The following SHANK2 variants were observed in gnomAD, a reference collection of about 807,000 sequenced individuals.
SHANK2 encodes the protein SH3 and multiple ankyrin repeat domains protein 2.
Under a neutral mutation model 133.7 loss-of-function variants are expected in SHANK2, and 43 were observed. The observed-to-expected ratio is 0.32, with a 90% CI of 0.25 to 0.41. The LOEUF (loss-of-function observed/expected upper bound fraction) is 0.41. Ranked by LOEUF, SHANK2 falls within the 10% of genes least tolerant of loss-of-function variation. The pLI is 1.00. For missense variants in SHANK2, 1,994 were observed against 2,235.8 expected, an observed-to-expected ratio of 0.89 and a Z score of 2.18; for synonymous variants, 1,017 against 952.8, an observed-to-expected ratio of 1.07 and a Z score of -1.24.
intron 14 of SHANK2, among the ~76,000 whole-genome samples, chr11:70,793,035 G>A (rs990071570): frequency 1.3e-5 from 2 of 152,116 alleles, no homozygotes; most frequent in Non-Finnish European, 2.9e-5. Flanking sequence ...CCACCTCGAT[G>A]ACACAGCAAG....
At chr11:71,112,750 A>C (rs1555099591) in intron 5 of SHANK2, among the ~76,000 whole-genome samples, 6 of 152,048 alleles carry the variant, frequency 3.9e-5, no homozygotes, top group Non-Finnish European at 8.8e-5. Context: ...CTCGACTCGC[A>C]CAGCACCCTG....
At chr11:70,856,662 G>A (rs1355971193) in intron 11 of SHANK2, among the ~76,000 whole-genome samples, 1 of 152,136 alleles carries the variant, frequency 6.6e-6, no homozygotes, top group Non-Finnish European at 1.5e-5. Context: ...TTGCCTCTAG[G>A]GGGTGTGAGT....
At chr11:70,802,867 T>C (rs1261293850) in intron 13 of SHANK2, among the ~76,000 whole-genome samples, 4 of 152,208 alleles carry the variant, frequency 2.6e-5, no homozygotes, top group South Asian at 2.1e-4. Flanking sequence ...GGGTCAATCA[T>C]CACTGCTTCC....
chr11:70,623,219 G>T (rs1371064589), intron 17 of SHANK2, among the ~76,000 whole-genome samples: 1 of 152,054 alleles, frequency 6.6e-6, no homozygotes, highest in Non-Finnish European at 1.5e-5. Flanking sequence ...TGTGGGGCCT[G>T]TGCCTGCCTC....
chr11:71,227,653 A>G (rs1037001247), intron 1 of SHANK2, among the ~76,000 whole-genome samples: 1 of 152,120 alleles, frequency 6.6e-6, no homozygotes, highest in African/African-American at 2.4e-5. Context: ...CAATTGATAG[A>G]ATAGGACAGG....
intron 13 of SHANK2, 52 bp downstream of exon 13, chr11:70,806,950 G>A: frequency 2.9e-6 from 2 of 680,952 alleles, no homozygotes; most frequent in Middle Eastern, 2.5e-4. Flanking sequence ...CCGGGTGAAG[G>A]GCCCCAGCCT....
chr11:70,569,943 G>C lies in SHANK2; in HGVS notation c.2062-67012C>G, dbSNP rs76919090. On this transcript the variant is annotated intron_variant, in intron 17 of 25. Transcript: ENST00000601538. The surrounding 1 kb of genome is among the most constrained non-coding windows in gnomAD (Gnocchi z 5.1). ...CGAGACAGAGACACAGAGACATAGA[G>C]AGAGAGAGAGAAGGGAGTGAGAGAC... 6.6e-6 allele frequency among the ~76,000 whole-genome samples: 1 copy of C among 151,776 alleles called. No individual in the cohort carries two copies. Among genetic ancestry groups the C allele is most frequent in the Admixed American group, 6.6e-5 (1 of 15,232 alleles).
chr11:70,659,617 C>T (rs1024862843), intron 17 of SHANK2, among the ~76,000 whole-genome samples: 9 of 152,168 alleles, frequency 5.9e-5, no homozygotes, highest in Admixed American at 2.6e-4. Context: ...CTCCTTCCAA[C>T]GGGTTACGGC....
intron 11 of SHANK2, among the ~76,000 whole-genome samples, chr11:70,868,143 GA>G: frequency 6.6e-6 from 1 of 152,348 alleles, no homozygotes; most frequent in East Asian, 1.9e-4. Flanking sequence ...GCCTAATGAA[GA>G]GTTTCTTTTC....
chr11:71,245,536 A>C (rs1555124865), intron 1 of SHANK2, among the ~76,000 whole-genome samples: 1 of 152,238 alleles, frequency 6.6e-6, no homozygotes, highest in Admixed American at 6.5e-5. Flanking sequence ...GCTTTACCTG[A>C]AAGTGAACAG....
intron 15 of SHANK2, among the ~76,000 whole-genome samples, chr11:70,693,424 G>C (rs1011537785): frequency 2.0e-5 from 3 of 152,142 alleles, no homozygotes; most frequent in African/African-American, 7.2e-5. Flanking sequence ...ACCTTCTCTT[G>C]AGGGGTGATT....
At chr11:70,525,531 A>G (rs2059384442) in intron 17 of SHANK2, among the ~76,000 whole-genome samples, 1 of 152,022 alleles carries the variant, frequency 6.6e-6, no homozygotes, top group Non-Finnish European at 1.5e-5. Flanking sequence ...GTGAGAGAAA[A>G]GGGCATTTGG....
At chr11:70,706,889 C>A (rs1555025048) in intron 14 of SHANK2, among the ~76,000 whole-genome samples, 2 of 152,148 alleles carry the variant, frequency 1.3e-5, no homozygotes, top group African/African-American at 4.8e-5. Context: ...AAAGAGGATG[C>A]TGTACAGCTT....
intron 6 of SHANK2, among the ~76,000 whole-genome samples, chr11:71,100,794 G>C (rs1951704714): frequency 6.6e-6 from 1 of 151,534 alleles, no homozygotes; most frequent in Admixed American, 6.6e-5. Context: ...TTGAACCCGG[G>C]AGTCAGAGGT....
intron 2 of SHANK2, among the ~76,000 whole-genome samples, chr11:71,210,083 A>C (rs899479884): frequency 5.3e-5 from 8 of 151,240 alleles, no homozygotes; most frequent in African/African-American, 1.7e-4. Flanking sequence ...ATCATCTGCA[A>C]GGGAACTTCT....
At chr11:71,253,015 A>G (rs1948214118), upstream of SHANK2, among the ~76,000 whole-genome samples, 1 of 152,234 alleles carries the variant, frequency 6.6e-6, no homozygotes, top group South Asian at 2.1e-4. Context: ...ACGTTTGCAG[A>G]GCAAACGAAA....
intron 10 of SHANK2, among the ~76,000 whole-genome samples, chr11:70,901,708 G>C (rs574178150): frequency 6.6e-6 from 1 of 152,310 alleles, no homozygotes; most frequent in South Asian, 2.1e-4. Context: ...ACAGGATGTA[G>C]AGAGACTTCC....
At chr11:70,933,908 AAAAAAAC>A (rs1197263955) in intron 10 of SHANK2, among the ~76,000 whole-genome samples, 1 of 151,364 alleles carries the variant, frequency 6.6e-6, no homozygotes, top group Non-Finnish European at 1.5e-5. Context: ...TCAAAAAAAA[AAAAAAAC>A]AAAAAACAAA....
chr11:71,228,025 G>GA (rs1186942337), intron 1 of SHANK2, among the ~76,000 whole-genome samples: 42 of 149,304 alleles, frequency 2.8e-4, no homozygotes, highest in Middle Eastern at 3.4e-3. Context: ...GACTGACCAA[G>GA]AAAAAAAAAC....
Sources: allele counts gnomAD v4.1 joint callset (sites outside exome capture counted in the v4.1 genomes callset), GRCh38; gene constraint gnomAD v4.1.1; non-coding constraint Gnocchi (gnomAD v3.1); transcripts MANE v1.5; gene names NCBI Gene and HGNC (gene_info 2026-07-23, HGNC 2026-07-21).